The following SERINC1 variants were observed in gnomAD, a reference collection of about 807,000 sequenced individuals.
SERINC1 encodes serine incorporator 1.
In SERINC1, 38 loss-of-function variants were observed where a neutral mutation model predicts 52.9. The observed-to-expected ratio is 0.72, with a 90% confidence interval of 0.55 to 0.94. The LOEUF (loss-of-function observed/expected upper bound fraction) is 0.94. Ranked by LOEUF, SERINC1 falls within the 40% of genes least tolerant of loss-of-function variation. The pLI is 0.00. For synonymous variants in SERINC1, 198 were observed against 183.1 expected (o/e 1.08, Z -0.66); for missense variants, 471 against 533.9 (o/e 0.88, Z 1.16).
chr6:122,445,257 T>G, intron 9 of SERINC1, 78 bp from the exon 10 acceptor site: 1 of 1,377,272 alleles, frequency 7.3e-7, no homozygotes, highest in South Asian at 1.3e-5. Context: ...GCTTCATTAA[T>G]TCAGAAGCGT....
chr6:122,451,272 A>C lies in SERINC1; in HGVS notation c.850+392T>G, dbSNP rs370797114. On this transcript the variant is annotated intron_variant, in intron 7 of 9. Transcript: ENST00000339697. ...CTTGATGAAGGCTCAGATGACTGTT[A>C]GCATTTTTTGGAAATAAAGTACTTT... Among the ~76,000 whole-genome samples, 45 of 152,366 alleles carry C rather than the reference A, an allele frequency of 3.0e-4. No homozygotes were observed. The East Asian group carries it at 6.2e-3, about 21-fold the overall frequency.
intron 1 of SERINC1, among the ~76,000 whole-genome samples, chr6:122,466,128 G>A (rs1775186518): frequency 6.6e-6 from 1 of 152,120 alleles, no homozygotes; most frequent in Non-Finnish European, 1.5e-5. Flanking sequence ...CAGCTACTCA[G>A]AAGGCTGAGG....
At chr6:122,457,273 T>A (rs1034115740) in intron 2 of SERINC1, among the ~76,000 whole-genome samples, 1 of 152,194 alleles carries the variant, frequency 6.6e-6, no homozygotes, top group Non-Finnish European at 1.5e-5. Context: ...GAATCAGGTT[T>A]TCCTTTCTCC....
At chr6:122,450,303 C>G (rs570719982) in intron 7 of SERINC1, among the ~76,000 whole-genome samples, 8 of 152,214 alleles carry the variant, frequency 5.3e-5, no homozygotes, top group African/African-American at 1.7e-4. Flanking sequence ...TAGAAAAAAG[C>G]CTAGATGACA....
At chr6:122,457,894 T>A (rs1775028507) in intron 2 of SERINC1, among the ~76,000 whole-genome samples, 1 of 151,914 alleles carries the variant, frequency 6.6e-6, no homozygotes, top group African/African-American at 2.4e-5. Flanking sequence ...CCAATCTCCT[T>A]CCACAACCTG....
rs1184186231 is a variant in SERINC1, at chr6:122,444,471, C to T, written c.*573G>A. On this transcript the variant is annotated 3_prime_UTR_variant, in exon 10 of 10. Transcript: ENST00000339697. Reference sequence around the variant, plus strand: ...ATCTCTACCCAAGTAAGATTATTTACTCGTTATTCAATTTAGTACCGACAC... The same window carrying T: ...ATCTCTACCCAAGTAAGATTATTTATTCGTTATTCAATTTAGTACCGACAC... 1 of 152,236 alleles carries T rather than the reference C, an allele frequency of 6.6e-6. No homozygotes were observed. Among genetic ancestry groups the T allele is most frequent in the African/African-American group, 2.4e-5 (1 of 41,438 alleles). 9.4% of individuals were successfully genotyped at this position (152,236 alleles called of 1,614,324 possible).
At chr6:122,455,414 A>G (rs1774977567) in intron 3 of SERINC1, among the ~76,000 whole-genome samples, 1 of 151,992 alleles carries the variant, frequency 6.6e-6, no homozygotes, top group South Asian at 2.1e-4. Context: ...AAAAAAGTGA[A>G]AAGACTAGAC....
At position 122,456,582 on chromosome 6, in the gene SERINC1, T is replaced by C; in HGVS notation, c.270A>G (p.Val90=). ...PCNILVGYKA[V]YRLCFGLAMF... The stretch of plus-strand genomic sequence containing the variant: ...TAGCCAAACCAAAGCACAAACGATA[T>C]ACAGCTTTATAGCCAACCAAAATGT... Residue 90 remains valine, a synonymous_variant, in exon 3 of 10, where the codon GTA becomes GTG. Transcript: ENST00000339697. 6.2e-7 allele frequency: 1 copy of C among 1,612,600 alleles called. No individual in the cohort carries two copies. The highest frequency in any genetic ancestry group is 8.5e-7 in the Non-Finnish European group (1 of 1,179,042).
Position 122,469,924 on chromosome 6 carries a change from T to C in SERINC1, c.39+1775A>G, listed in dbSNP as rs139351622. Among the ~76,000 whole-genome samples the C allele has an allele frequency of 5.9e-5, 9 of 152,304 alleles. No individual in the cohort carries two copies. In the East Asian group the frequency reaches 1.2e-3, roughly 20 times the overall value. On this transcript the variant is annotated intron_variant, in intron 1 of 9. Transcript: ENST00000339697. ...CAAAACCTCTAAGTAAATGAGCACA[T>C]TAACTGTTAAGAATGTGGAAGAGAT...
intron 1 of SERINC1, among the ~76,000 whole-genome samples, chr6:122,466,717 A>G (rs894838265): frequency 6.6e-6 from 1 of 152,226 alleles, no homozygotes; most frequent in African/African-American, 2.4e-5. Context: ...TCTGAAAACA[A>G]TCAAGGAAAT....
chr6:122,468,204 T>C (rs984391943), intron 1 of SERINC1, among the ~76,000 whole-genome samples: 2 of 152,212 alleles, frequency 1.3e-5, no homozygotes, highest in Non-Finnish European at 2.9e-5. Context: ...AAAAAGTTAC[T>C]CCAACTTCAA....
chr6:122,451,114 A>C (rs1037780492), intron 7 of SERINC1, among the ~76,000 whole-genome samples: 1 of 152,164 alleles, frequency 6.6e-6, no homozygotes, highest in African/African-American at 2.4e-5. Context: ...GGAGTCAATC[A>C]ATGGGCAAAC....
In SERINC1 at chr6:122,445,009, TAATC is replaced by T. The variant is rs758028424; in HGVS notation, c.*31_*34del. ...GGGAATACTGTTTTCAAATAAGCAA[TAATC>T]AAAGTGGGACTTTCATGCTAGAAGT... On this transcript the variant is annotated 3_prime_UTR_variant, in exon 10 of 10. Coordinates refer to ENST00000339697, the MANE Select transcript of SERINC1 (RefSeq NM_020755.4). 1 of 1,594,630 alleles carries T rather than the reference TAATC, an allele frequency of 6.3e-7. No individual in the cohort carries two copies. Among genetic ancestry groups the T allele is most frequent in the Non-Finnish European group, 8.5e-7 (1 of 1,170,686 alleles).
chr6:122,451,776 A>AAAAATATATATATAT, intron 6 of SERINC1, 22 bp from the exon 7 acceptor site: 2 of 113,076 alleles, frequency 1.8e-5, no homozygotes, highest in African/African-American at 7.4e-5. Flanking sequence ...AAAAAAAAAA[A>AAAAATATATATATAT]ATATATATAT....
At chr6:122,453,231 A>G (rs1031081852) in intron 5 of SERINC1, among the ~76,000 whole-genome samples, 6 of 152,178 alleles carry the variant, frequency 3.9e-5, no homozygotes, top group Admixed American at 1.3e-4. Flanking sequence ...TCTGTTTTCA[A>G]GTATAACCCC....
At chr6:122,467,848 T>C (rs1222274297) in intron 1 of SERINC1, among the ~76,000 whole-genome samples, 2 of 152,066 alleles carry the variant, frequency 1.3e-5, no homozygotes, top group African/African-American at 4.8e-5. Flanking sequence ...GTGATTTTGG[T>C]GGGGGTAGGG....
chr6:122,443,898 T>C lies in SERINC1; in HGVS notation c.*1146A>G, dbSNP rs1774711275. The C allele has an allele frequency of 6.6e-6, 1 of 152,244 alleles. No homozygotes were observed. The highest frequency in any genetic ancestry group is 1.5e-5 in the Non-Finnish European group (1 of 68,042). 9.4% of individuals were successfully genotyped at this position (152,244 alleles called of 1,614,324 possible). ...AGTCTGTATTTCAGTGTCTTCATTT[T>C]TTTAAATGAGAGAACTGGACTAGAT... is the stretch of plus-strand genomic sequence containing the variant. On this transcript the variant is annotated 3_prime_UTR_variant, in exon 10 of 10. Transcript: ENST00000339697.
intron 1 of SERINC1, among the ~76,000 whole-genome samples, chr6:122,469,579 T>C (rs1614555): frequency 0.7 from 106,562 of 151,632 alleles, 37,538 homozygotes; most frequent in South Asian, 0.78. Context: ...TTTTCTGAGA[T>C]GGAGTCTTGC....
Position 122,444,652 on chromosome 6 carries a change from C to T in SERINC1, c.*392G>A, listed in dbSNP as rs950728995. The T allele has an allele frequency of 5.3e-4, 85 of 160,946 alleles. No individual in the cohort carries two copies. Among genetic ancestry groups the T allele is most frequent in the African/African-American group, 1.9e-3 (81 of 41,762 alleles). The allele number at this position is 160,946 out of a possible 1,614,324, so 10.0% of individuals were successfully genotyped here. ...AACCATGTTCTTTGCAGTATCCTGC[C>T]AGGCAACACATCAAATATTTCAAAA... On this transcript the variant is annotated 3_prime_UTR_variant, in exon 10 of 10. Coordinates refer to ENST00000339697, the MANE Select transcript of SERINC1 (RefSeq NM_020755.4).
Sources: gnomAD v4.1 joint callset for allele counts (sites outside exome capture counted in the v4.1 genomes callset) on GRCh38, gnomAD v4.1.1 for gene constraint, MANE v1.5 for transcripts, NCBI Gene and HGNC (gene_info 2026-07-23, HGNC 2026-07-21) for gene names.